The following PROK2 variants were observed in gnomAD, a reference collection of about 807,000 sequenced individuals.
PROK2 encodes the protein prokineticin 2.
In PROK2, 8 loss-of-function variants were observed where a neutral mutation model predicts 14.2. That is an observed-to-expected ratio of 0.56 (90% CI 0.33 to 1.02). PROK2 has a LOEUF of 1.02. PROK2 is among the 50% of genes least tolerant of loss of function. PROK2 has a pLI of 0.03. For synonymous variants in PROK2, 59 were observed against 60.7 expected (o/e 0.97, Z 0.13); for missense variants, 154 against 160.4 (o/e 0.96, Z 0.22).
In PROK2 at chr3:71,781,672, T is replaced by C; in HGVS notation, c.97-80A>G. The C allele has an allele frequency of 2.1e-6, 3 of 1,455,358 alleles. No homozygotes were observed. In the South Asian group the frequency reaches 3.5e-5, roughly 17 times the overall value. The allele number at this position is 1,455,358 out of a possible 1,614,324, so 90.2% of individuals were successfully genotyped here. On this transcript the variant is annotated intron_variant, in intron 1 of 3. Coordinates refer to ENST00000295619, the MANE Select transcript of PROK2 (RefSeq NM_001126128.2). The stretch of plus-strand genomic sequence containing the variant: ...AGGAAACCTAAAATTAGCAGTGAAA[T>C]GCCCTTTAAATATCTAAACACTTGG...
At chr3:71,782,749 T>C (rs2050169993) in intron 1 of PROK2, among the ~76,000 whole-genome samples, 1 of 152,198 alleles carries the variant, frequency 6.6e-6, no homozygotes, top group African/African-American at 2.4e-5. Flanking sequence ...CTTCTCAAGA[T>C]ATAAAAATAT....
At chr3:71,783,511 A>G (rs906744681) in intron 1 of PROK2, among the ~76,000 whole-genome samples, 1 of 152,228 alleles carries the variant, frequency 6.6e-6, no homozygotes, top group African/African-American at 2.4e-5. Flanking sequence ...TGGAAAATTT[A>G]CAAAGAGTTG....
In PROK2 at chr3:71,772,794, C is replaced by T; in HGVS notation, c.320G>A (p.Cys107Tyr). 1.2e-6 allele frequency: 2 copies of T among 1,614,108 alleles called. No individual in the cohort carries two copies. Among genetic ancestry groups the T allele is most frequent in the South Asian group, 1.1e-5 (1 of 91,076 alleles). The change falls in exon 4 of 4, where the codon TGC becomes TAC. Residue 107 changes from cysteine (C) to tyrosine (Y), a missense_variant. Cys to Tyr is a radical substitution (Grantham distance 194). Coordinates refer to ENST00000295619, the MANE Select transcript of PROK2 (RefSeq NM_001126128.2). ...ACAGGCCAAGCCTGGCAGACATGGGCAAGTGTGATGCATCCTCCGCCCAAA... is the reference window on the plus strand; with the variant it reads ...ACAGGCCAAGCCTGGCAGACATGGGTAAGTGTGATGCATCCTCCGCCCAAA... ...PFFGRRMHHT[C>Y]PCLPGLACLR...
chr3:71,777,007 A>G (rs982576948), intron 2 of PROK2, among the ~76,000 whole-genome samples: 1 of 152,226 alleles, frequency 6.6e-6, no homozygotes, highest in Non-Finnish European at 1.5e-5. Context: ...AAGAGAAATT[A>G]GCACTTATAA....
chr3:71,774,396 A>G, intron 3 of PROK2, 49 bp downstream of exon 3: 4 of 1,551,468 alleles, frequency 2.6e-6, no homozygotes, highest in Non-Finnish European at 3.5e-6. Flanking sequence ...GTAAAGGCTA[A>G]TTCTTCTGGG....
intron 2 of PROK2, among the ~76,000 whole-genome samples, chr3:71,777,035 T>A (rs1473917807): frequency 6.6e-6 from 1 of 152,230 alleles, no homozygotes; most frequent in East Asian, 1.9e-4. Flanking sequence ...ACATGAGGGA[T>A]CCTTATAGTG....
chr3:71,775,422 C>T (rs571963522), intron 2 of PROK2, among the ~76,000 whole-genome samples: 6 of 152,344 alleles, frequency 3.9e-5, no homozygotes, highest in African/African-American at 1.4e-4. Flanking sequence ...ATTGTTTCAG[C>T]TGCTGGTGCT....
intron 2 of PROK2, 55 bp from the exon 3 acceptor site, chr3:71,774,562 G>T: frequency 6.5e-7 from 1 of 1,538,698 alleles, no homozygotes; most frequent in Non-Finnish European, 8.8e-7. Flanking sequence ...AAGAAAAAGA[G>T]GCAATGGGAG....
At chr3:71,773,396 T>A (rs563117340) in intron 3 of PROK2, among the ~76,000 whole-genome samples, 1 of 152,320 alleles carries the variant, frequency 6.6e-6, no homozygotes, top group East Asian at 1.9e-4. Context: ...GAGAGACTGG[T>A]ATATTGGCCA....
At chr3:71,774,381 A>G in intron 3 of PROK2, 64 bp downstream of exon 3, 5 of 1,551,080 alleles carry the variant, frequency 3.2e-6, no homozygotes, top group East Asian at 2.4e-5. Context: ...TGGTAGTCCA[A>G]CAATGTAAAG....
chr3:71,773,512 C>A (rs1247922690), intron 3 of PROK2, among the ~76,000 whole-genome samples: 1 of 152,156 alleles, frequency 6.6e-6, no homozygotes, highest in African/African-American at 2.4e-5. Context: ...TCATTTATTT[C>A]TTTTTATGGT....
At chr3:71,777,632 A>C (rs2050129858) in intron 2 of PROK2, among the ~76,000 whole-genome samples, 1 of 152,170 alleles carries the variant, frequency 6.6e-6, no homozygotes, top group Non-Finnish European at 1.5e-5. Context: ...AAAATTTAAA[A>C]ACAAGATTGT....
rs376839931 is a variant in PROK2 at position 71,772,812 on chromosome 3, C to T, written c.302G>A (p.Arg101Gln). Residue 101 changes from arginine (R) to glutamine (Q), a missense_variant, in exon 4 of 4, where the codon CGG becomes CAG. Arg to Gln is a conservative substitution (Grantham distance 43, BLOSUM62 1). Coordinates refer to ENST00000295619, the MANE Select transcript of PROK2 (RefSeq NM_001126128.2). Reference sequence around the variant, plus strand: ...ACATGGGCAAGTGTGATGCATCCTCCGCCCAAAAAATGGAACCTAAATAAA... The same window carrying T: ...ACATGGGCAAGTGTGATGCATCCTCTGCCCAAAAAATGGAACCTAAATAAA... ...KRKKEVPFFG[R>Q]RMHHTCPCLP... The T allele has an allele frequency of 1.8e-4, 286 of 1,613,910 alleles. No homozygotes were observed. The highest frequency in any genetic ancestry group is 2.2e-4 in the Non-Finnish European group (261 of 1,179,968).
chr3:71,784,838 C>A (rs1158426237), intron 1 of PROK2, 119 bp downstream of exon 1: 3 of 877,358 alleles, frequency 3.4e-6, no homozygotes, highest in Non-Finnish European at 4.5e-6. Flanking sequence ...GGGCAGGTGT[C>A]CCCGCCCAGG....
intron 2 of PROK2, among the ~76,000 whole-genome samples, chr3:71,780,206 C>T (rs957734991): frequency 6.6e-6 from 1 of 152,214 alleles, no homozygotes; most frequent in Non-Finnish European, 1.5e-5. Flanking sequence ...GGAAGCATTT[C>T]ACAAGGCAAC....
intron 3 of PROK2, 64 bp from the exon 4 acceptor site, chr3:71,772,892 T>C: frequency 7.3e-7 from 1 of 1,368,150 alleles, no homozygotes; most frequent in Non-Finnish European, 1.0e-6. Context: ...ACCAAATCAT[T>C]CTTGAGATAG....
chr3:71,785,119 A>C lies in PROK2; in HGVS notation c.-67T>G, dbSNP rs1284454997. On this transcript the variant is annotated 5_prime_UTR_variant, in exon 1 of 4. Coordinates refer to ENST00000295619, the MANE Select transcript of PROK2 (RefSeq NM_001126128.2). ...CGCGGGGCCCGGGTGCGCTGGGTGGAGCGCGGAGCGGCGGGCGGACGGGCG... is the reference window on the plus strand; with the variant it reads ...CGCGGGGCCCGGGTGCGCTGGGTGGCGCGCGGAGCGGCGGGCGGACGGGCG... 2.7e-5 allele frequency: 29 copies of C among 1,068,714 alleles called. No homozygotes were observed. Among genetic ancestry groups the C allele is most frequent in the Admixed American group, 4.4e-5 (1 of 22,580 alleles). 66.2% of individuals were successfully genotyped at this position (1,068,714 alleles called of 1,614,324 possible).
rs58407323 is a variant in PROK2 at position 71,776,364 on chromosome 3, A to ATTTTTT, written c.223-1863_223-1858dup. ...TTTTCTTTTTTTCTTTTCGCTTTTC[A>ATTTTTT]TTTTTTTTTTTTTTTTTTTTTTTTT... On this transcript the variant is annotated intron_variant, in intron 2 of 3. Coordinates refer to ENST00000295619, the MANE Select transcript of PROK2 (RefSeq NM_001126128.2). Among the ~76,000 whole-genome samples, 9 of 75,436 alleles carry ATTTTTT rather than the reference A, an allele frequency of 1.2e-4. 1 individual carries two copies. The highest frequency in any genetic ancestry group is 4.1e-4 in the African/African-American group (8 of 19,632). The allele number at this position is 75,436 out of a possible 152,430, so 49.5% of individuals were successfully genotyped here. A position where few individuals can be genotyped will look rare whatever the true frequency, so the allele number is the denominator to read the frequency against.
At chr3:71,776,364 A>ATTTTTTTTTTT (rs58407323) in intron 2 of PROK2, among the ~76,000 whole-genome samples, 13 of 75,442 alleles carry the variant, frequency 1.7e-4, no homozygotes, top group African/African-American at 6.1e-4. Context: ...TTCGCTTTTC[A>ATTTTTTTTTTT]TTTTTTTTTT....
Sources: allele counts gnomAD v4.1 joint callset (sites outside exome capture counted in the v4.1 genomes callset), GRCh38; gene constraint gnomAD v4.1.1; transcripts MANE v1.5; gene names NCBI Gene and HGNC (gene_info 2026-07-23, HGNC 2026-07-21).